The following ARHGEF10L variants were observed in gnomAD, a reference collection of about 807,000 sequenced individuals.
ARHGEF10L encodes Rho guanine nucleotide exchange factor 10 like.
Under a neutral mutation model 141.2 loss-of-function variants are expected in ARHGEF10L, and 69 were observed. That is an observed-to-expected ratio of 0.49 (90% confidence interval 0.40 to 0.60). The LOEUF (loss-of-function observed/expected upper bound fraction) is 0.60. ARHGEF10L is among the 20% of genes least tolerant of loss of function. The pLI is 0.00. For missense variants in ARHGEF10L, 1,482 were observed against 1,734.3 expected, an observed-to-expected ratio of 0.85 and a Z score of 2.58; for synonymous variants, 711 against 718.5, an observed-to-expected ratio of 0.99 and a Z score of 0.17.
At chr1:17,592,591 G>A (rs1018751385) in intron 4 of ARHGEF10L, among the ~76,000 whole-genome samples, 5 of 152,186 alleles carry the variant, frequency 3.3e-5, no homozygotes, top group Non-Finnish European at 5.9e-5. Flanking sequence ...GATGGAAACA[G>A]GGCGCTGGTG....
intron 22 of ARHGEF10L, among the ~76,000 whole-genome samples, chr1:17,653,095 C>A (rs2062024926): frequency 6.6e-6 from 1 of 152,192 alleles, no homozygotes; most frequent in Non-Finnish European, 1.5e-5. Context: ...GTACTGGGTA[C>A]CTGGCCCTGG....
chr1:17,569,444 A>G (rs113154992), intron 1 of ARHGEF10L, among the ~76,000 whole-genome samples: 127 of 152,260 alleles, frequency 8.3e-4, no homozygotes, highest in African/African-American at 2.9e-3. Flanking sequence ...GAGACCTCAG[A>G]TGCTGCTGGC....
intron 1 of ARHGEF10L, among the ~76,000 whole-genome samples, chr1:17,549,565 C>T (rs990859689): frequency 3.3e-5 from 5 of 152,086 alleles, no homozygotes; most frequent in African/African-American, 9.6e-5. Context: ...CAGGAGCTCC[C>T]CCTGCAAGGA....
intron 2 of ARHGEF10L, among the ~76,000 whole-genome samples, chr1:17,583,485 G>A (rs767166269): frequency 1.3e-5 from 2 of 152,176 alleles, no homozygotes; most frequent in Non-Finnish European, 2.9e-5. Context: ...TGCACCAGGT[G>A]CTTTATTTAT....
At chr1:17,551,516 T>C (rs3850724) in intron 1 of ARHGEF10L, among the ~76,000 whole-genome samples, 132,756 of 152,158 alleles carry the variant, frequency 0.87, 58,267 homozygotes, top group African/African-American at 0.96. Context: ...CTGTCCATTG[T>C]ACTAGGGGCT....
Position 17,664,436 on chromosome 1 carries a change from T to A in ARHGEF10L, c.2861-11T>A, listed in dbSNP as rs765033009. 1.3e-5 allele frequency: 21 copies of A among 1,600,140 alleles called. 1 individual carries two copies. In the Admixed American group the frequency reaches 3.5e-4, roughly 27 times the overall value. ...CCTGGCCCCTGACCTGCCTCCCCTC[T>A]CTCCCTGCAGGAGGTGTCCTGTGGG... On this transcript the variant is annotated splice_polypyrimidine_tract_variant and intron_variant, in intron 25 of 28. Transcript: ENST00000361221.
At chr1:17,557,455 C>A (rs1435204407) in intron 1 of ARHGEF10L, among the ~76,000 whole-genome samples, 1 of 152,200 alleles carries the variant, frequency 6.6e-6, no homozygotes, top group Non-Finnish European at 1.5e-5. Context: ...CCTGCAGTAT[C>A]AGCCTTCAAG....
rs1429793487 is a variant in ARHGEF10L at position 17,639,516 on chromosome 1, C to A, written c.2172-686C>A. On this transcript the variant is annotated intron_variant, in intron 20 of 28. Transcript: ENST00000361221. The surrounding 1 kb of genome is among the most constrained non-coding windows in gnomAD (Gnocchi z 4.3). ...GTAGGAGTCAGCAGCTTTGAATCTG[C>A]CGCCTCCCTGTTGAGTGGCCTGTCC... 6.6e-6 allele frequency among the ~76,000 whole-genome samples: 1 copy of A among 151,888 alleles called. No individual in the cohort carries two copies. Among genetic ancestry groups the A allele is most frequent in the African/African-American group, 2.4e-5 (1 of 41,344 alleles).
In ARHGEF10L at chr1:17,621,378, G is replaced by A. The variant is rs1245654428; in HGVS notation, c.943-486G>A. On this transcript the variant is annotated intron_variant, in intron 10 of 28. Transcript: ENST00000361221. This position sits in a 1 kb window ranked among gnomAD's most constrained non-coding sequence, Gnocchi z 4.1. Reference sequence around the variant, plus strand: ...CTCCAAAGTAGCTGGGACTATAGGCGCGTGCCACCACGCCCAGCTGATTTT... The same window carrying A: ...CTCCAAAGTAGCTGGGACTATAGGCACGTGCCACCACGCCCAGCTGATTTT... 2.6e-5 allele frequency among the ~76,000 whole-genome samples: 4 copies of A among 152,070 alleles called. No homozygotes were observed. Among genetic ancestry groups the A allele is most frequent in the East Asian group, 1.9e-4 (1 of 5,172 alleles).
intron 1 of ARHGEF10L, among the ~76,000 whole-genome samples, chr1:17,547,012 G>C (rs994845819): frequency 6.6e-6 from 1 of 151,612 alleles, no homozygotes; most frequent in Non-Finnish European, 1.5e-5. Flanking sequence ...TGCTCGCCCC[G>C]GAGTCCTGCC....
At chr1:17,606,245 G>A (rs910183134) in intron 6 of ARHGEF10L, among the ~76,000 whole-genome samples, 2 of 152,002 alleles carry the variant, frequency 1.3e-5, no homozygotes, top group African/African-American at 2.4e-5. Flanking sequence ...ACCAAAGCTC[G>A]CAGTTTTTCA....
chr1:17,539,208 G>A (rs1464303944), upstream of ARHGEF10L, among the ~76,000 whole-genome samples: 1 of 152,100 alleles, frequency 6.6e-6, no homozygotes, highest in East Asian at 1.9e-4. This position sits in a 1 kb window ranked among gnomAD's most constrained non-coding sequence, Gnocchi z 6.0. Flanking sequence ...GGTTCCCCAT[G>A]TTGCCATGGC....
Position 17,656,022 on chromosome 1 carries a change from G to C in ARHGEF10L, c.2625G>C (p.Glu875Asp). Residue 875 changes from glutamate (E) to aspartate (D), a missense_variant, in exon 24 of 29, where the codon GAG becomes GAC. Physicochemically the swap from Glu to Asp is conservative, Grantham distance 45. Around this residue, in one of 3 missense-constraint regions of ARHGEF10L, gnomAD observed 858 missense variants for 966.3 expected, o/e 0.89. Transcript: ENST00000361221. This position sits in a 1 kb window ranked among gnomAD's most constrained non-coding sequence, Gnocchi z 4.9. Reference protein sequence around the residue: ...EYIPELEEEAESRDESPTVAD... With the variant: ...EYIPELEEEADSRDESPTVAD... Reference sequence around the variant, plus strand: ...TCCCGGAGCTGGAGGAGGAGGCGGAGAGCAGAGACGAGAGCCCGACAGTTG... The same window carrying C: ...TCCCGGAGCTGGAGGAGGAGGCGGACAGCAGAGACGAGAGCCCGACAGTTG... 3 of 1,571,932 alleles carry C rather than the reference G, an allele frequency of 1.9e-6. No homozygotes were observed. Among genetic ancestry groups the C allele is most frequent in the Non-Finnish European group, 1.7e-6 (2 of 1,157,864 alleles).
chr1:17,531,371 G>A, the ARHGEF10L span, among the ~76,000 whole-genome samples: 8 of 152,170 alleles, frequency 5.3e-5, no homozygotes, highest in Non-Finnish European at 7.4e-5. Context: ...GAAGGCTTTC[G>A]GGTCTCAGAA....
Position 17,627,475 on chromosome 1 carries a change from G to C in ARHGEF10L, c.1556G>C (p.Ser519Thr), listed in dbSNP as rs1411443953. Reference sequence around the variant, plus strand: ...GCTGAGATCCAGCAGCTGACCAAGAGCGTCAGTGACCGCAGCAGCCTCAAC... The same window carrying C: ...GCTGAGATCCAGCAGCTGACCAAGACCGTCAGTGACCGCAGCAGCCTCAAC... ...QVAEIQQLTK[S>T]VSDRSSLNKL... Residue 519 changes from serine (S) to threonine (T), a missense_variant, in exon 15 of 29, where the codon AGC becomes ACC. Around this residue, in one of 3 missense-constraint regions of ARHGEF10L, gnomAD observed 392 missense variants for 542.1 expected, o/e 0.72. Coordinates refer to ENST00000361221, the MANE Select transcript of ARHGEF10L (RefSeq NM_018125.4). This position sits in a 1 kb window ranked among gnomAD's most constrained non-coding sequence, Gnocchi z 4.0. 1.9e-6 allele frequency: 3 copies of C among 1,612,660 alleles called. No individual in the cohort carries two copies. In the Admixed American group the frequency reaches 5.0e-5, roughly 27 times the overall value.
chr1:17,525,171 C>T, the ARHGEF10L span, among the ~76,000 whole-genome samples: 1 of 152,208 alleles, frequency 6.6e-6, no homozygotes, highest in Non-Finnish European at 1.5e-5. Flanking sequence ...ATCCAATACC[C>T]CAGCATGGGG....
chr1:17,659,616 G>A (rs896390884), intron 25 of ARHGEF10L, among the ~76,000 whole-genome samples: 4 of 152,188 alleles, frequency 2.6e-5, no homozygotes, highest in Non-Finnish European at 5.9e-5. Context: ...ACCCACCATA[G>A]TGGCCCTGGT....
the ARHGEF10L span, among the ~76,000 whole-genome samples, chr1:17,525,121 C>A: frequency 6.6e-6 from 1 of 152,208 alleles, no homozygotes; most frequent in Non-Finnish European, 1.5e-5. Flanking sequence ...CTGGTCCTTC[C>A]TGCTGGCCCA....
intron 2 of ARHGEF10L, among the ~76,000 whole-genome samples, chr1:17,582,031 G>C (rs2078614939): frequency 6.6e-6 from 1 of 152,142 alleles, no homozygotes; most frequent in Non-Finnish European, 1.5e-5. Flanking sequence ...ACCAGCTCTG[G>C]CTGTGCCACC....
Sources: gnomAD v4.1 joint callset for allele counts (sites outside exome capture counted in the v4.1 genomes callset) on GRCh38, gnomAD v4.1.1 for gene constraint, gnomAD v4.1.1 regional missense constraint, Gnocchi (gnomAD v3.1) non-coding constraint, MANE v1.5 for transcripts, NCBI Gene and HGNC (gene_info 2026-07-23, HGNC 2026-07-21) for gene names.